FGF12: variants seen among roughly 807,000 people sequenced by gnomAD.
FGF12 encodes the protein fibroblast growth factor 12B.
A neutral mutation model predicts 23.6 loss-of-function variants in FGF12; 14 were observed. That is an observed-to-expected ratio of 0.59 (90% CI 0.39 to 0.93). FGF12 has a LOEUF of 0.93. Ranked by LOEUF, FGF12 falls within the 40% of genes least tolerant of loss-of-function variation. FGF12 has a pLI of 0.00. For synonymous variants in FGF12, 62 were observed against 77.3 expected (o/e 0.80, Z 1.04); for missense variants, 175 against 217.8 (o/e 0.80, Z 1.24).
intron 4 of FGF12, among the ~76,000 whole-genome samples, chr3:192,235,890 C>A (rs957227681): frequency 3.3e-5 from 5 of 151,888 alleles, no homozygotes; most frequent in African/African-American, 1.2e-4. Context: ...TATTTCTTTT[C>A]TTCTGCTAGC....
chr3:192,259,543 C>T (rs947808771), intron 4 of FGF12, among the ~76,000 whole-genome samples: 1 of 151,964 alleles, frequency 6.6e-6, no homozygotes, highest in African/African-American at 2.4e-5. Flanking sequence ...CTCTGACATG[C>T]CATGTATAAA....
chr3:192,246,808 A>T (rs569370290), intron 4 of FGF12, among the ~76,000 whole-genome samples: 1 of 147,622 alleles, frequency 6.8e-6, no homozygotes, highest in African/African-American at 2.5e-5. Flanking sequence ...CTGGGTGACA[A>T]GAGTGAAACT....
chr3:192,329,583 G>A (rs1717002090), intron 4 of FGF12, among the ~76,000 whole-genome samples: 2 of 152,000 alleles, frequency 1.3e-5, no homozygotes, highest in Non-Finnish European at 2.9e-5. Flanking sequence ...GATGGTCGAG[G>A]GCTTACTTGG....
chr3:192,469,371 T>C (rs1004327546), intron 2 of FGF12, among the ~76,000 whole-genome samples: 1 of 152,218 alleles, frequency 6.6e-6, no homozygotes, highest in Non-Finnish European at 1.5e-5. Flanking sequence ...TTTCTCTCTG[T>C]ATGTCTATCT....
At chr3:192,276,731 C>CT (rs993807119) in intron 4 of FGF12, among the ~76,000 whole-genome samples, 1 of 152,140 alleles carries the variant, frequency 6.6e-6, no homozygotes, top group African/African-American at 2.4e-5. Flanking sequence ...ACATATTACT[C>CT]TAACTTGCCC....
intron 3 of FGF12, among the ~76,000 whole-genome samples, chr3:192,341,307 A>T (rs887268178): frequency 2.4e-4 from 36 of 152,290 alleles, no homozygotes; most frequent in African/African-American, 8.7e-4. Flanking sequence ...TTGATTAATC[A>T]TGCTACAGGA....
chr3:192,495,789 C>A (rs758695358), intron 2 of FGF12, among the ~76,000 whole-genome samples: 1 of 152,008 alleles, frequency 6.6e-6, no homozygotes, highest in South Asian at 2.1e-4. Flanking sequence ...AACTCAGCCT[C>A]GAGTAGTTGG....
At chr3:192,510,308 G>T (rs189942853) in intron 2 of FGF12, among the ~76,000 whole-genome samples, 1 of 152,216 alleles carries the variant, frequency 6.6e-6, no homozygotes, top group East Asian at 1.9e-4. Flanking sequence ...ATTTAAAACT[G>T]GTCAAAAGAC....
intron 3 of FGF12, among the ~76,000 whole-genome samples, chr3:192,359,233 A>G (rs1260493557): frequency 6.6e-6 from 1 of 152,236 alleles, no homozygotes; most frequent in Non-Finnish European, 1.5e-5. Flanking sequence ...ATTGTAAATT[A>G]TATTTTAAAT....
chr3:192,216,450 G>T (rs1718197719), intron 4 of FGF12, among the ~76,000 whole-genome samples: 1 of 152,128 alleles, frequency 6.6e-6, no homozygotes, highest in Admixed American at 6.5e-5. Flanking sequence ...GAAAGTAAAT[G>T]AATTTGCACA....
At position 192,481,868 on chromosome 3, in the gene FGF12, T is replaced by G. The variant is rs75239915; in HGVS notation, c.14-121330A>C. ...AAAGTATCCTAACCACTATGCAACA[T>G]GTATTGCTCAATTGTTCACAGAGCC... On this transcript the variant is annotated intron_variant, in intron 2 of 5. Coordinates refer to ENST00000445105, the MANE Select transcript of FGF12 (RefSeq NM_004113.6). Among the ~76,000 whole-genome samples the G allele has an allele frequency of 3.1e-3, 476 of 152,324 alleles. 3 individuals are homozygous for G. The highest frequency in any genetic ancestry group is 0.011 in the African/African-American group (469 of 41,574).
intron 4 of FGF12, among the ~76,000 whole-genome samples, chr3:192,217,867 G>A (rs11927070): frequency 0.011 from 1,650 of 145,466 alleles, 25 homozygotes; most frequent in African/African-American, 0.04. Context: ...ATGGAATTTC[G>A]CTCTTGTTGC....
rs543789196 is a variant in FGF12, at chr3:192,307,929, T to G, written c.228+27432A>C. On this transcript the variant is annotated intron_variant, in intron 4 of 5. Transcript: ENST00000445105. ...ACATTTTCACACCATACATCTTAGA[T>G]AGTAGGGACTTCATTTTGTGAAGAA... is the stretch of plus-strand genomic sequence containing the variant. Among the ~76,000 whole-genome samples, 11 of 152,290 alleles carry G rather than the reference T, an allele frequency of 7.2e-5. No homozygotes were observed. In the South Asian group the frequency reaches 8.3e-4, roughly 11 times the overall value.
chr3:192,196,869 T>C (rs79466018), intron 4 of FGF12, among the ~76,000 whole-genome samples: 1 of 151,584 alleles, frequency 6.6e-6, no homozygotes, highest in African/African-American at 2.4e-5. Flanking sequence ...TTTTTTTTTT[T>C]CAGCAAGAAA....
chr3:192,699,794 T>G (rs527252963), intron 2 of FGF12, among the ~76,000 whole-genome samples: 1 of 152,340 alleles, frequency 6.6e-6, no homozygotes, highest in East Asian at 1.9e-4. Context: ...TAAGGCTTGA[T>G]GCAAGATCTT....
chr3:192,705,337 C>T (rs73195161), intron 2 of FGF12, among the ~76,000 whole-genome samples: 22,688 of 152,126 alleles, frequency 0.15, 1,995 homozygotes, highest in African/African-American at 0.24. Flanking sequence ...ATTTTAATAT[C>T]TTCGTGTCTC....
At chr3:192,272,792 A>T (rs1415534701) in intron 4 of FGF12, among the ~76,000 whole-genome samples, 1 of 152,172 alleles carries the variant, frequency 6.6e-6, no homozygotes, top group Non-Finnish European at 1.5e-5. Flanking sequence ...CATTGTAAAA[A>T]TATTCATGGA....
intron 3 of FGF12, among the ~76,000 whole-genome samples, chr3:192,349,765 T>C (rs1271069674): frequency 6.6e-6 from 1 of 152,148 alleles, no homozygotes; most frequent in African/African-American, 2.4e-5. Context: ...TTAAATCATC[T>C]GTCATTCTCA....
chr3:192,486,620 A>G (rs1387770133), intron 2 of FGF12, among the ~76,000 whole-genome samples: 1 of 152,142 alleles, frequency 6.6e-6, no homozygotes, highest in East Asian at 1.9e-4. Context: ...AGCATGAGAC[A>G]AGGTCACAGA....
Sources: gnomAD v4.1 joint callset for allele counts (sites outside exome capture counted in the v4.1 genomes callset) on GRCh38, gnomAD v4.1.1 for gene constraint, MANE v1.5 for transcripts, NCBI Gene and HGNC (gene_info 2026-07-23, HGNC 2026-07-21) for gene names.